WDCP: variants seen among roughly 807,000 people sequenced by gnomAD.
The protein encoded by WDCP is WD repeat and coiled-coil-containing protein.
In WDCP, 19 loss-of-function variants were observed where a neutral mutation model predicts 41.6. The observed-to-expected ratio is 0.46, with a 90% CI of 0.32 to 0.67. WDCP has a LOEUF of 0.67. Among genes scored for constraint, WDCP ranks in the 30% least tolerant of loss-of-function variants. WDCP has a pLI of 0.04. For missense variants in WDCP, 802 were observed against 850.7 expected, an observed-to-expected ratio of 0.94 and a Z score of 0.71; for synonymous variants, 302 against 320.8, an observed-to-expected ratio of 0.94 and a Z score of 0.63.
intron 1 of WDCP, among the ~76,000 whole-genome samples, chr2:24,047,089 T>C (rs1317038011): frequency 1.3e-5 from 2 of 151,740 alleles, no homozygotes; most frequent in African/African-American, 2.4e-5. Context: ...TTCCCAGGAG[T>C]GTTATTCACG....
In WDCP at chr2:24,037,363, T is replaced by C. The variant is rs1280225861; in HGVS notation, c.1818+314A>G. On this transcript the variant is annotated intron_variant, in intron 2 of 3. Transcript: ENST00000295148. ...TAACTGGAGGAGTATCTCTATTATA[T>C]AAGGAAAAGGTTGTCACAATGAAAT... 2.6e-5 allele frequency among the ~76,000 whole-genome samples: 4 copies of C among 152,200 alleles called. No individual in the cohort carries two copies. The East Asian group carries it at 5.8e-4, about 22-fold the overall frequency.
At chr2:24,045,392 A>G (rs1663578993) in intron 1 of WDCP, among the ~76,000 whole-genome samples, 1 of 151,992 alleles carries the variant, frequency 6.6e-6, no homozygotes, top group Non-Finnish European at 1.5e-5. Flanking sequence ...ATCTGAGGTC[A>G]GGAGTTCGAC....
intron 3 of WDCP, 129 bp from the exon 4 acceptor site, chr2:24,031,291 G>T: frequency 1.5e-6 from 1 of 656,982 alleles, no homozygotes; most frequent in South Asian, 2.0e-5. Flanking sequence ...ATCCTTGTAA[G>T]ATTTTACAGA....
At chr2:24,043,473 C>A (rs910902815) in intron 1 of WDCP, among the ~76,000 whole-genome samples, 9 of 151,060 alleles carry the variant, frequency 6.0e-5, no homozygotes, top group African/African-American at 1.5e-4. Context: ...GACAACACAG[C>A]AAGATACTGT....
intron 3 of WDCP, among the ~76,000 whole-genome samples, chr2:24,032,526 C>T (rs1348413896): frequency 6.6e-6 from 1 of 151,966 alleles, no homozygotes; most frequent in African/African-American, 2.4e-5. Flanking sequence ...AACAAACAAA[C>T]AAAACTTGGC....
chr2:24,033,762 G>T (rs1014862116), intron 2 of WDCP, among the ~76,000 whole-genome samples: 1 of 151,638 alleles, frequency 6.6e-6, no homozygotes, highest in Non-Finnish European at 1.5e-5. Context: ...ATAAATGAAG[G>T]ACAGTTGTAT....
intron 2 of WDCP, among the ~76,000 whole-genome samples, chr2:24,036,474 C>T (rs151042166): frequency 1.3e-5 from 2 of 152,116 alleles, no homozygotes; most frequent in African/African-American, 2.4e-5. Flanking sequence ...ACATAGCTGG[C>T]GGGCGTGTGA....
At chr2:24,034,500 T>G (rs1276447288) in intron 2 of WDCP, among the ~76,000 whole-genome samples, 1 of 151,356 alleles carries the variant, frequency 6.6e-6, no homozygotes, top group African/African-American at 2.4e-5. Flanking sequence ...CCTCCAGAGA[T>G]AACTACTGAC....
chr2:24,041,055 T>C (rs1663412236), intron 1 of WDCP, among the ~76,000 whole-genome samples: 1 of 150,168 alleles, frequency 6.7e-6, no homozygotes, highest in South Asian at 2.1e-4. Context: ...AGTACATGCT[T>C]AGGCTGGGCA....
At chr2:24,037,554 T>C in intron 2 of WDCP, 123 bp downstream of exon 2, 2 of 1,152,432 alleles carry the variant, frequency 1.7e-6, no homozygotes, top group Non-Finnish European at 2.4e-6. Flanking sequence ...GCCTGTAACA[T>C]AACATGCCCA....
In WDCP at chr2:24,036,415, G is replaced by A. The variant is rs1663258193; in HGVS notation, c.1818+1262C>T. On this transcript the variant is annotated intron_variant, in intron 2 of 3. Transcript: ENST00000295148. ...TCAGCTGCTCAGGAGGCTGAAGCAG[G>A]AGGGTCACTGATCAGATTGGTGACA... 2.6e-5 allele frequency among the ~76,000 whole-genome samples: 4 copies of A among 152,138 alleles called. No individual in the cohort carries two copies. In the South Asian group the frequency reaches 8.3e-4, roughly 31 times the overall value.
Position 24,038,085 on chromosome 2 carries a change from A to G in WDCP, c.1410T>C (p.Asp470=). The G allele has an allele frequency of 6.2e-7, 1 of 1,614,164 alleles. No individual in the cohort carries two copies. The highest frequency in any genetic ancestry group is 8.5e-7 in the Non-Finnish European group (1 of 1,180,024). Residue 470 remains aspartate (D), a synonymous_variant, in exon 2 of 4, where the codon GAT becomes GAC. Transcript: ENST00000295148. ...RKKLIESLSP[D]FCHQNKGLLL... ...ACAGCCCTTTGTTTTGGTGACAAAA[A>G]TCTGGGGAAAGACTTTCAATTAACT...
intron 1 of WDCP, among the ~76,000 whole-genome samples, chr2:24,042,975 G>A (rs1282357449): frequency 6.7e-6 from 1 of 150,232 alleles, no homozygotes. Flanking sequence ...GGAGGTTGCA[G>A]TGAGCTGAGA....
At chr2:24,032,968 T>G in intron 2 of WDCP, 22 bp from the exon 3 acceptor site, 1 of 1,398,630 alleles carries the variant, frequency 7.1e-7, no homozygotes, top group Non-Finnish European at 1.0e-6. Context: ...AAATAAAAGT[T>G]GTTAAACTGA....
chr2:24,037,984 G>A lies in WDCP; in HGVS notation c.1511C>T (p.Ser504Phe). 1 of 1,614,188 alleles carries A rather than the reference G, an allele frequency of 6.2e-7. No homozygotes were observed. The highest frequency in any genetic ancestry group is 8.5e-7 in the Non-Finnish European group (1 of 1,180,024). The stretch of plus-strand genomic sequence containing the variant: ...AGCTATGGAGCCATCACAGATACTA[G>A]ACAGAGGACTCTGGATTTCTTTAAT... ...TLIKEIQSPL[S>F]SICDGSIALD... Residue 504 changes from serine to phenylalanine, a missense_variant, in exon 2 of 4, where the codon TCT (serine) becomes TTT (phenylalanine). Around this residue, in one of 5 missense-constraint regions of WDCP, gnomAD observed 321 missense variants for 305.1 expected, o/e 1.05. Coordinates refer to ENST00000295148, the MANE Select transcript of WDCP (RefSeq NM_025203.3).
chr2:24,037,534 G>A, intron 2 of WDCP, 143 bp downstream of exon 2: 1 of 920,694 alleles, frequency 1.1e-6, no homozygotes. Flanking sequence ...CTGCAAAGGT[G>A]TACCAACTTG....
At chr2:24,031,786 A>G (rs1663104798) in intron 3 of WDCP, among the ~76,000 whole-genome samples, 1 of 151,774 alleles carries the variant, frequency 6.6e-6, no homozygotes, top group South Asian at 2.1e-4. Flanking sequence ...AGATCATGCC[A>G]CTGCATTCCA....
rs1280294361 is a variant in WDCP at position 24,030,898 on chromosome 2, A to C, written c.*35T>G. 6.6e-7 allele frequency: 1 copy of C among 1,520,634 alleles called. No homozygotes were observed. Among genetic ancestry groups the C allele is most frequent in the East Asian group, 2.3e-5 (1 of 44,404 alleles). 94.2% of individuals were successfully genotyped at this position (1,520,634 alleles called of 1,614,324 possible). On this transcript the variant is annotated 3_prime_UTR_variant, in exon 4 of 4. Transcript: ENST00000295148. ...AGCAGGCCTTGTTTGTAATGGTCTC[A>C]TCTGAAGAGCTACACAGCAAGGACA...
Position 24,031,028 on chromosome 2 carries a change from G to T in WDCP, c.2071C>A (p.Pro691Thr), listed in dbSNP as rs1310705653. ...ACTTTAAGAGAAGAAACAGCACCTGGACTGTGAGAAAAAGAGTCTCTGAAG... is the reference window on the plus strand; with the variant it reads ...ACTTTAAGAGAAGAAACAGCACCTGTACTGTGAGAAAAAGAGTCTCTGAAG... Reference protein sequence around the residue: ...DVFRDSFSHSPGAVSSLKVFT... With the variant: ...DVFRDSFSHSTGAVSSLKVFT... The change falls in exon 4 of 4, where the codon CCA (proline) becomes ACA (threonine). Residue 691 changes from proline (P) to threonine (T), a missense_variant. Physicochemically the swap from Pro to Thr is conservative, Grantham distance 38. Coordinates refer to ENST00000295148, the MANE Select transcript of WDCP (RefSeq NM_025203.3). 2 of 1,614,202 alleles carry T rather than the reference G, an allele frequency of 1.2e-6. No individual in the cohort carries two copies. Among genetic ancestry groups the T allele is most frequent in the East Asian group, 2.2e-5 (1 of 44,886 alleles).
Sources: gnomAD v4.1 joint callset for allele counts (sites outside exome capture counted in the v4.1 genomes callset) on GRCh38, gnomAD v4.1.1 for gene constraint, gnomAD v4.1.1 regional missense constraint, MANE v1.5 for transcripts, NCBI Gene and HGNC (gene_info 2026-07-23, HGNC 2026-07-21) for gene names.